ANKRD45: variants seen among roughly 807,000 people sequenced by gnomAD.
ANKRD45 encodes the protein ankyrin repeat domain 45.
In ANKRD45, 21 loss-of-function variants were observed where a neutral mutation model predicts 28.1. The ratio of observed to expected loss-of-function variants is 0.75; its 90% CI spans 0.53 to 1.08. The LOEUF (loss-of-function observed/expected upper bound fraction) is 1.08, where lower values mean the gene tolerates loss of function less well. Ranked by LOEUF, ANKRD45 falls within the 50% of genes least tolerant of loss-of-function variation. ANKRD45 has a pLI of 0.00. For synonymous variants in ANKRD45, 86 were observed against 103.9 expected (o/e 0.83, Z 1.05); for missense variants, 261 against 308.7 (o/e 0.85, Z 1.16).
chr1:173,690,918 C>T, the ANKRD45 span, among the ~76,000 whole-genome samples: 1 of 152,116 alleles, frequency 6.6e-6, no homozygotes, highest in Non-Finnish European at 1.5e-5. Flanking sequence ...GGGTGGGGCT[C>T]AATTTCCCCA....
chr1:173,649,456 A>G (rs1032631587), intron 2 of ANKRD45, among the ~76,000 whole-genome samples: 6 of 152,134 alleles, frequency 3.9e-5, no homozygotes, highest in Non-Finnish European at 7.4e-5. Context: ...GTGAAGTTAA[A>G]CATATTTTCA....
chr1:173,714,624 C>A, the ANKRD45 span, among the ~76,000 whole-genome samples: 1 of 152,326 alleles, frequency 6.6e-6, no homozygotes, highest in African/African-American at 2.4e-5. Context: ...GAACATTGTG[C>A]CAAAAGGAGA....
chr1:173,714,209 C>T, the ANKRD45 span, among the ~76,000 whole-genome samples: 4 of 152,174 alleles, frequency 2.6e-5, no homozygotes, highest in Non-Finnish European at 5.9e-5. Flanking sequence ...ACACTTGTAT[C>T]ACTTGTTTTC....
intron 5 of ANKRD45, among the ~76,000 whole-genome samples, chr1:173,613,671 G>A (rs1308330937): frequency 1.9e-4 from 26 of 138,712 alleles, no homozygotes; most frequent in East Asian, 6.1e-4. Context: ...CCGCCTGGCC[G>A]CCGCCCCGTC....
the ANKRD45 span, among the ~76,000 whole-genome samples, chr1:173,703,858 T>A: frequency 6.6e-6 from 1 of 152,248 alleles, no homozygotes; most frequent in African/African-American, 2.4e-5. Flanking sequence ...AGTACTTATG[T>A]AACAGTGATG....
At chr1:173,675,161 C>T in the ANKRD45 span, among the ~76,000 whole-genome samples, 2 of 151,908 alleles carry the variant, frequency 1.3e-5, no homozygotes, top group Admixed American at 6.6e-5. Context: ...AAATAGGTTG[C>T]TATTATTTTC....
intron 1 of ANKRD45, among the ~76,000 whole-genome samples, chr1:173,663,788 T>C (rs1669888416): frequency 6.6e-6 from 1 of 152,216 alleles, no homozygotes; most frequent in African/African-American, 2.4e-5. Context: ...GTATAAATTA[T>C]TTCTGTTATA....
chr1:173,657,337 G>A, intron 2 of ANKRD45: 1 of 321,768 alleles, frequency 3.1e-6, no homozygotes, highest in Non-Finnish European at 6.4e-6. Context: ...GCATGTTGGT[G>A]CATGCCTGTA....
chr1:173,677,821 T>A, the ANKRD45 span, among the ~76,000 whole-genome samples: 1 of 152,300 alleles, frequency 6.6e-6, no homozygotes, highest in South Asian at 2.1e-4. Flanking sequence ...AAGTAAAACT[T>A]AATAATAATG....
At chr1:173,706,265 G>A in the ANKRD45 span, among the ~76,000 whole-genome samples, 3 of 136,252 alleles carry the variant, frequency 2.2e-5, no homozygotes, top group Non-Finnish European at 4.6e-5. Context: ...TTGTGCTACT[G>A]TACTCCAGCC....
At chr1:173,650,738 C>T (rs1411301467) in intron 2 of ANKRD45, among the ~76,000 whole-genome samples, 1 of 152,208 alleles carries the variant, frequency 6.6e-6, no homozygotes, top group Non-Finnish European at 1.5e-5. Context: ...CCTATTTCTC[C>T]ACATCCTCTC....
At chr1:173,630,381 T>C (rs985213931) in intron 3 of ANKRD45, among the ~76,000 whole-genome samples, 5 of 152,162 alleles carry the variant, frequency 3.3e-5, no homozygotes, top group African/African-American at 4.8e-5. Flanking sequence ...CAATAGGATA[T>C]AAATAAAAAC....
chr1:173,698,079 A>G, the ANKRD45 span, among the ~76,000 whole-genome samples: 1 of 152,198 alleles, frequency 6.6e-6, no homozygotes, highest in Non-Finnish European at 1.5e-5. Flanking sequence ...GCCATTACAT[A>G]ATGGTAAAGG....
upstream of ANKRD45, among the ~76,000 whole-genome samples, chr1:173,673,516 A>C (rs1008038069): frequency 2.0e-5 from 3 of 152,178 alleles, no homozygotes; most frequent in African/African-American, 7.2e-5. Flanking sequence ...AGGTAACTTA[A>C]TGTGCTACAT....
chr1:173,666,751 T>G (rs1056499085), intron 1 of ANKRD45, among the ~76,000 whole-genome samples: 3 of 150,052 alleles, frequency 2.0e-5, no homozygotes, highest in Non-Finnish European at 4.4e-5. Context: ...ACAAATAGCA[T>G]TTAAAAAAAA....
At chr1:173,635,642 G>T in intron 3 of ANKRD45, 1 of 1,535,688 alleles carries the variant, frequency 6.5e-7, no homozygotes, top group Non-Finnish European at 8.7e-7. Context: ...TCTTCCAGAA[G>T]AAGTACATTA....
intron 4 of ANKRD45, among the ~76,000 whole-genome samples, chr1:173,625,608 T>C (rs1169050337): frequency 6.6e-6 from 1 of 152,114 alleles, no homozygotes; most frequent in Non-Finnish European, 1.5e-5. Flanking sequence ...GTCCATACTG[T>C]TAAATAATAA....
chr1:173,703,267 G>A, the ANKRD45 span, among the ~76,000 whole-genome samples: 1 of 150,284 alleles, frequency 6.7e-6, no homozygotes, highest in South Asian at 2.1e-4. Flanking sequence ...GCAGTGACAC[G>A]ATCTCGGGTC....
At chr1:173,675,770 A>G in the ANKRD45 span, among the ~76,000 whole-genome samples, 1 of 152,226 alleles carries the variant, frequency 6.6e-6, no homozygotes, top group Non-Finnish European at 1.5e-5. Flanking sequence ...TTTATTAAAG[A>G]CAAATCATGG....
Sources: allele counts gnomAD v4.1 joint callset (sites outside exome capture counted in the v4.1 genomes callset), GRCh38; gene constraint gnomAD v4.1.1; transcripts MANE v1.5; gene names NCBI Gene and HGNC (gene_info 2026-07-23, HGNC 2026-07-21).